PLA2R1: variants seen among roughly 807,000 people sequenced by gnomAD.
PLA2R1 encodes phospholipase A2 receptor 1.
A neutral mutation model predicts 195.9 loss-of-function variants in PLA2R1; 158 were observed. The observed-to-expected ratio is 0.81, with a 90% CI of 0.71 to 0.92. The LOEUF is 0.92. Ranked by LOEUF, PLA2R1 falls within the 40% of genes least tolerant of loss-of-function variation. PLA2R1 has a pLI of 0.00. For synonymous variants in PLA2R1, 586 were observed against 598.2 expected, an observed-to-expected ratio of 0.98 and a Z score of 0.30; for missense variants, 1,626 against 1,764.6, an observed-to-expected ratio of 0.92 and a Z score of 1.41.
chr2:159,928,758 A>C (rs369886263), downstream of PLA2R1, among the ~76,000 whole-genome samples: 28 of 152,372 alleles, frequency 1.8e-4, no homozygotes, highest in African/African-American at 6.5e-4. Context: ...TTCAAACTAT[A>C]AGGCCATAGT....
the PLA2R1 span, among the ~76,000 whole-genome samples, chr2:159,925,205 A>T: frequency 4.0e-4 from 61 of 152,218 alleles, no homozygotes; most frequent in Middle Eastern, 3.4e-3. Flanking sequence ...AAACAAACAA[A>T]CAATCAATTA....
At chr2:160,054,441 T>C (rs1207431164) in intron 1 of PLA2R1, among the ~76,000 whole-genome samples, 2 of 152,126 alleles carry the variant, frequency 1.3e-5, no homozygotes, top group Non-Finnish European at 1.5e-5. Context: ...AATGAAAAAA[T>C]GTGTATAGTT....
At chr2:159,996,969 T>G (rs1388857154) in intron 11 of PLA2R1, among the ~76,000 whole-genome samples, 1 of 152,194 alleles carries the variant, frequency 6.6e-6, no homozygotes, top group East Asian at 1.9e-4. Context: ...CTTAGCATAT[T>G]AATCATAGTT....
intron 20 of PLA2R1, among the ~76,000 whole-genome samples, chr2:159,964,386 T>C (rs1160854236): frequency 6.6e-6 from 1 of 152,216 alleles, no homozygotes; most frequent in Non-Finnish European, 1.5e-5. Flanking sequence ...GCAAATGTTA[T>C]GTTACATTAT....
At chr2:159,953,951 A>G (rs1355602502) in intron 23 of PLA2R1, among the ~76,000 whole-genome samples, 2 of 152,168 alleles carry the variant, frequency 1.3e-5, no homozygotes, top group Non-Finnish European at 2.9e-5. Flanking sequence ...CTCATGCCTC[A>G]GCCTCCCTAG....
chr2:159,949,631 C>T lies in PLA2R1; in HGVS notation c.3686G>A (p.Gly1229Asp), dbSNP rs992886504. The T allele has an allele frequency of 6.2e-7, 1 of 1,613,948 alleles. No homozygotes were observed. Among genetic ancestry groups the T allele is most frequent in the Non-Finnish European group, 8.5e-7 (1 of 1,179,860 alleles). The change falls in exon 25 of 30, where the codon GGT becomes GAT. Residue 1229 changes from glycine (G) to aspartate (D), a missense_variant. By Grantham distance (94) the Gly-to-Asp change is moderately conservative. Coordinates refer to ENST00000283243, the MANE Select transcript of PLA2R1 (RefSeq NM_007366.5). ...HSTACESFLQ[G>D]AICHVPPETR... ...ACCAGGTGGCACATGACAAATGGCA[C>T]CTTGCAGAAATGACTCGCAGGCTGT...
chr2:159,930,711 C>T (rs7598738), downstream of PLA2R1, among the ~76,000 whole-genome samples: 1 of 151,960 alleles, frequency 6.6e-6, no homozygotes, highest in Non-Finnish European at 1.5e-5. Context: ...AATGATGTAT[C>T]CACCTCACCA....
chr2:160,040,820 T>A (rs933631266), intron 3 of PLA2R1, among the ~76,000 whole-genome samples: 17 of 152,240 alleles, frequency 1.1e-4, no homozygotes, highest in Admixed American at 3.9e-4. Flanking sequence ...TAAATTGGGT[T>A]TGATGCTGCT....
At chr2:160,017,398 G>A (rs2105452789) in intron 8 of PLA2R1, among the ~76,000 whole-genome samples, 1 of 152,324 alleles carries the variant, frequency 6.6e-6, no homozygotes, top group South Asian at 2.1e-4. Context: ...CTGACCAAGT[G>A]AGAGTGCTGA....
At chr2:159,970,625 C>T (rs193104280) in intron 17 of PLA2R1, among the ~76,000 whole-genome samples, 14 of 152,206 alleles carry the variant, frequency 9.2e-5, no homozygotes, top group African/African-American at 3.1e-4. Flanking sequence ...GGTATCAAGG[C>T]ATCATTAGTA....
chr2:159,945,120 A>G (rs1472547892), intron 27 of PLA2R1, 38 bp from the exon 28 acceptor site: 1 of 1,470,628 alleles, frequency 6.8e-7, no homozygotes. Flanking sequence ...AATTATGTGC[A>G]TGGTTATCAA....
At chr2:159,952,384 A>G (rs949023997) in intron 23 of PLA2R1, among the ~76,000 whole-genome samples, 4 of 152,128 alleles carry the variant, frequency 2.6e-5, no homozygotes, top group Non-Finnish European at 5.9e-5. Context: ...TGTATAGAAC[A>G]TATGTTAGGA....
chr2:159,993,010 T>C (rs969287759), intron 11 of PLA2R1, among the ~76,000 whole-genome samples: 1 of 152,158 alleles, frequency 6.6e-6, no homozygotes, highest in Admixed American at 6.6e-5. Flanking sequence ...CAGACACCTA[T>C]GAGCCTCTAA....
chr2:159,986,596 T>G (rs1338127386), intron 12 of PLA2R1, among the ~76,000 whole-genome samples: 1 of 150,468 alleles, frequency 6.6e-6, no homozygotes, highest in African/African-American at 2.5e-5. Context: ...TTCCTTTTTT[T>G]TTTTTTTTGA....
At chr2:159,992,809 G>A (rs1690918382) in intron 11 of PLA2R1, among the ~76,000 whole-genome samples, 1 of 152,074 alleles carries the variant, frequency 6.6e-6, no homozygotes, top group African/African-American at 2.4e-5. Flanking sequence ...TTACTCTACT[G>A]GGATCTTATT....
At chr2:159,968,919 T>C (rs183985161) in intron 19 of PLA2R1, among the ~76,000 whole-genome samples, 3 of 152,300 alleles carry the variant, frequency 2.0e-5, no homozygotes, top group African/African-American at 7.2e-5. Flanking sequence ...GATATAGGAA[T>C]AGATTTTTTT....
At chr2:159,984,550 C>G (rs1212469115) in intron 12 of PLA2R1, among the ~76,000 whole-genome samples, 2 of 152,168 alleles carry the variant, frequency 1.3e-5, no homozygotes, top group Non-Finnish European at 2.9e-5. Context: ...GCAGATTGAT[C>G]ATTACTCTGG....
intron 10 of PLA2R1, among the ~76,000 whole-genome samples, 159 bp from the exon 11 acceptor site, chr2:160,005,980 C>T (rs950244526): frequency 8.5e-5 from 13 of 152,186 alleles, no homozygotes; most frequent in Non-Finnish European, 1.5e-4. Context: ...CTGAACATTA[C>T]TAATAAATGC....
At chr2:160,000,829 T>C (rs1691539826) in intron 11 of PLA2R1, among the ~76,000 whole-genome samples, 1 of 152,114 alleles carries the variant, frequency 6.6e-6, no homozygotes, top group Non-Finnish European at 1.5e-5. Flanking sequence ...ATCAATGAAT[T>C]GAAATAATTC....
Sources: gnomAD v4.1 joint callset for allele counts (sites outside exome capture counted in the v4.1 genomes callset) on GRCh38, gnomAD v4.1.1 for gene constraint, MANE v1.5 for transcripts, NCBI Gene and HGNC (gene_info 2026-07-23, HGNC 2026-07-21) for gene names.